The following SUCLG2 variants were observed in gnomAD, a reference collection of about 807,000 sequenced individuals.
SUCLG2 encodes succinate-CoA ligase GDP-forming subunit beta.
In SUCLG2, 42 loss-of-function variants were observed where a neutral mutation model predicts 47.9. That is an observed-to-expected ratio of 0.88 (90% CI 0.69 to 1.14). SUCLG2 has a LOEUF of 1.14. Ranked by LOEUF, SUCLG2 falls within the 50% of genes most tolerant of loss-of-function variation. The probability of loss-of-function intolerance (pLI) is 0.00; values close to 1 mark genes in which losing one functional copy is unlikely to be tolerated. For missense variants in SUCLG2, 571 were observed against 525.9 expected, an observed-to-expected ratio of 1.09 and a Z score of -0.84; for synonymous variants, 195 against 197.3, an observed-to-expected ratio of 0.99 and a Z score of 0.10.
chr3:67,593,262 A>C (rs1223128773), intron 2 of SUCLG2, among the ~76,000 whole-genome samples: 1 of 136,028 alleles, frequency 7.4e-6, no homozygotes, highest in Non-Finnish European at 1.6e-5. Flanking sequence ...CAATTGGTCT[A>C]ACACATATAG....
At chr3:67,585,966 CAAAAAAAAAAAAA>C (rs67546250) in intron 2 of SUCLG2, among the ~76,000 whole-genome samples, 1 of 59,974 alleles carries the variant, frequency 1.7e-5, no homozygotes, top group Non-Finnish European at 3.3e-5. Flanking sequence ...GACTCCATTT[CAAAAAAAAAAAAA>C]AAAAAAAAAA....
At chr3:67,594,792 G>T (rs1158026516) in intron 2 of SUCLG2, among the ~76,000 whole-genome samples, 1 of 152,196 alleles carries the variant, frequency 6.6e-6, no homozygotes, top group African/African-American at 2.4e-5. Context: ...AAATCAGTAA[G>T]ATAGTAAAGC....
chr3:67,609,719 G>C, intron 1 of SUCLG2, 123 bp from the exon 2 acceptor site: 1 of 861,790 alleles, frequency 1.2e-6, no homozygotes, highest in Non-Finnish European at 1.6e-6. Context: ...GTTGAGAGAA[G>C]CAAAAGAAAA....
chr3:67,537,748 T>A (rs1174165429), intron 2 of SUCLG2, among the ~76,000 whole-genome samples: 1 of 152,244 alleles, frequency 6.6e-6, no homozygotes, highest in Admixed American at 6.5e-5. Flanking sequence ...TCCTGACTTT[T>A]TAATGGTTGC....
chr3:67,515,561 T>C lies in SUCLG2; in HGVS notation c.660+2686A>G, dbSNP rs146108245. ...AATTTTATAAGACTATCATTTTATA[T>C]GATATTCAACCATGAGTGAGGTACC... On this transcript the variant is annotated intron_variant, in intron 6 of 10. Coordinates refer to ENST00000307227, the MANE Select transcript of SUCLG2 (RefSeq NM_003848.4). 6.7e-3 allele frequency among the ~76,000 whole-genome samples: 1,014 copies of C among 152,288 alleles called. 18 individuals carry two copies. Among genetic ancestry groups the C allele is most frequent in the African/African-American group, 0.023 (972 of 41,556 alleles).
intron 9 of SUCLG2, among the ~76,000 whole-genome samples, chr3:67,433,801 TAA>T (rs74541880): frequency 1.5e-5 from 2 of 135,048 alleles, no homozygotes; most frequent in Admixed American, 1.5e-4. Context: ...CGGGATTTAG[TAA>T]AAAAAAAAAA....
intron 9 of SUCLG2, among the ~76,000 whole-genome samples, chr3:67,454,301 T>C (rs1352059081): frequency 1.3e-5 from 2 of 152,126 alleles, no homozygotes; most frequent in Admixed American, 6.5e-5. Context: ...TATGAAAAAT[T>C]GGTTTGAGAT....
At chr3:67,606,892 T>C (rs961486945) in intron 2 of SUCLG2, among the ~76,000 whole-genome samples, 2 of 152,212 alleles carry the variant, frequency 1.3e-5, no homozygotes, top group Non-Finnish European at 2.9e-5. Context: ...CAGAAGAGAA[T>C]GCATATACAT....
intron 9 of SUCLG2, among the ~76,000 whole-genome samples, chr3:67,439,150 C>G (rs549073117): frequency 1.1e-4 from 16 of 152,324 alleles, no homozygotes; most frequent in Non-Finnish European, 2.1e-4. Flanking sequence ...ATGATTATCT[C>G]AATAGATGCA....
chr3:67,623,242 T>G (rs1269738021), intron 1 of SUCLG2, among the ~76,000 whole-genome samples: 1 of 152,220 alleles, frequency 6.6e-6, no homozygotes, highest in Non-Finnish European at 1.5e-5. Flanking sequence ...GGCTCACGCC[T>G]GTAATCCCAG....
At chr3:67,640,888 A>G (rs1278781906) in intron 1 of SUCLG2, among the ~76,000 whole-genome samples, 3 of 152,230 alleles carry the variant, frequency 2.0e-5, no homozygotes, top group Non-Finnish European at 4.4e-5. Flanking sequence ...CAGCTGAATT[A>G]AGTTACAAAA....
chr3:67,420,196 G>C (rs1253083163), intron 9 of SUCLG2, among the ~76,000 whole-genome samples: 1 of 152,178 alleles, frequency 6.6e-6, no homozygotes, highest in East Asian at 1.9e-4. Context: ...TGAGTCTGAA[G>C]TGACTTACTA....
At chr3:67,493,966 T>C (rs576530404) in intron 9 of SUCLG2, among the ~76,000 whole-genome samples, 1 of 152,348 alleles carries the variant, frequency 6.6e-6, no homozygotes, top group Non-Finnish European at 1.5e-5. Flanking sequence ...CTTCAATAAC[T>C]TGGCTATTCC....
chr3:67,499,540 A>G (rs1262295335), intron 7 of SUCLG2, among the ~76,000 whole-genome samples: 1 of 152,138 alleles, frequency 6.6e-6, no homozygotes, highest in East Asian at 1.9e-4. Flanking sequence ...ATTCCATAAT[A>G]GGAGACAGAC....
chr3:67,476,302 T>C (rs1674680611), intron 9 of SUCLG2, among the ~76,000 whole-genome samples: 1 of 152,014 alleles, frequency 6.6e-6, no homozygotes, highest in Non-Finnish European at 1.5e-5. Context: ...CATTACCACC[T>C]GAATTCTGCC....
intron 10 of SUCLG2, among the ~76,000 whole-genome samples, chr3:67,382,576 G>C (rs574302745): frequency 2.0e-4 from 30 of 152,274 alleles, no homozygotes; most frequent in African/African-American, 7.0e-4. Flanking sequence ...GTTAAGAATA[G>C]GGTTTACATT....
chr3:67,420,209 AAATAT>A (rs1703126469), intron 9 of SUCLG2, among the ~76,000 whole-genome samples: 1 of 152,240 alleles, frequency 6.6e-6, no homozygotes, highest in South Asian at 2.1e-4. Flanking sequence ...ACTTACTATC[AAATAT>A]AAGTCCAACC....
At chr3:67,618,143 C>A (rs148248402) in intron 1 of SUCLG2, among the ~76,000 whole-genome samples, 2 of 152,162 alleles carry the variant, frequency 1.3e-5, no homozygotes, top group East Asian at 3.9e-4. Context: ...TACTTAGGGC[C>A]AGGCGCAGTG....
intron 10 of SUCLG2, among the ~76,000 whole-genome samples, chr3:67,379,560 G>A (rs1702108693): frequency 6.6e-6 from 1 of 152,168 alleles, no homozygotes; most frequent in African/African-American, 2.4e-5. Context: ...TTGCAACCAA[G>A]TAATCTAAAT....
Sources: allele counts gnomAD v4.1 joint callset (sites outside exome capture counted in the v4.1 genomes callset), GRCh38; gene constraint gnomAD v4.1.1; transcripts MANE v1.5; gene names NCBI Gene and HGNC (gene_info 2026-07-23, HGNC 2026-07-21).